Variants in KCNQ3 observed in about 807,000 individuals in gnomAD.
The protein encoded by KCNQ3 is potassium voltage-gated channel subfamily KQT member 3.
A neutral mutation model predicts 92.5 loss-of-function variants in KCNQ3; 30 were observed. The ratio of observed to expected loss-of-function variants is 0.32; its 90% CI spans 0.24 to 0.44. KCNQ3 has a LOEUF of 0.44. Among genes scored for constraint, KCNQ3 ranks in the 20% least tolerant of loss-of-function variants. The pLI is 1.00. For synonymous variants in KCNQ3, 450 were observed against 468.8 expected (o/e 0.96, Z 0.52); for missense variants, 913 against 1,140.3 (o/e 0.80, Z 2.87).
chr8:132,356,017 G>A (rs150363581), intron 1 of KCNQ3, among the ~76,000 whole-genome samples: 28 of 152,308 alleles, frequency 1.8e-4, no homozygotes, highest in African/African-American at 6.3e-4. Flanking sequence ...GTGTGGATGC[G>A]GTTCATGAAG....
intron 1 of KCNQ3, among the ~76,000 whole-genome samples, chr8:132,361,441 T>C (rs868612860): frequency 1.3e-5 from 2 of 152,208 alleles, no homozygotes; most frequent in Admixed American, 6.5e-5. Context: ...AATAGAATAT[T>C]TTTTATCATC....
intron 1 of KCNQ3, among the ~76,000 whole-genome samples, chr8:132,263,349 G>A (rs1815855025): frequency 6.6e-6 from 1 of 152,164 alleles, no homozygotes; most frequent in Non-Finnish European, 1.5e-5. Flanking sequence ...CCATCTCTGG[G>A]CCTGGGGCCC....
chr8:132,252,783 G>A lies in KCNQ3; in HGVS notation c.387-66602C>T, dbSNP rs139012409. Among the ~76,000 whole-genome samples the A allele has an allele frequency of 2.0e-3, 305 of 152,204 alleles. 1 individual carries two copies. The highest frequency in any genetic ancestry group is 4.4e-3 in the African/African-American group (184 of 41,526). On this transcript the variant is annotated intron_variant, in intron 1 of 14. Coordinates refer to ENST00000388996, the MANE Select transcript of KCNQ3 (RefSeq NM_004519.4). ...CTAGACACAGAGCGCTGATTGGTGC[G>A]TTTACAATCCTTTAGCTAGACAGAA...
intron 1 of KCNQ3, among the ~76,000 whole-genome samples, chr8:132,195,798 G>A (rs1827283215): frequency 6.6e-6 from 1 of 152,128 alleles, no homozygotes; most frequent in Non-Finnish European, 1.5e-5. Flanking sequence ...ATACAAATAG[G>A]TTGACAGTGA....
intron 1 of KCNQ3, among the ~76,000 whole-genome samples, chr8:132,408,302 T>C (rs1820550684): frequency 6.6e-6 from 1 of 152,096 alleles, no homozygotes; most frequent in Admixed American, 6.6e-5. Context: ...AGTACTGCTG[T>C]GGAGAGTTTG....
chr8:132,338,057 T>C (rs748920853), intron 1 of KCNQ3, among the ~76,000 whole-genome samples: 2 of 152,218 alleles, frequency 1.3e-5, no homozygotes, highest in Non-Finnish European at 2.9e-5. Flanking sequence ...GGTCGAAGGT[T>C]TGGAGAAACA....
Position 132,218,606 on chromosome 8 carries a change from G to A in KCNQ3, c.387-32425C>T, listed in dbSNP as rs567318018. Among the ~76,000 whole-genome samples, 7 of 152,270 alleles carry A rather than the reference G, an allele frequency of 4.6e-5. 1 individual carries two copies. The highest frequency in any genetic ancestry group is 1.7e-4 in the African/African-American group (7 of 41,554). On this transcript the variant is annotated intron_variant, in intron 1 of 14. Transcript: ENST00000388996. ...GTTTTATTATCCCCATTTTACAGGTGAGAAAAACTAGAAGTAGGCAGTCCA... is the reference window on the plus strand; with the variant it reads ...GTTTTATTATCCCCATTTTACAGGTAAGAAAAACTAGAAGTAGGCAGTCCA...
intron 1 of KCNQ3, among the ~76,000 whole-genome samples, chr8:132,434,642 T>G (rs1026358044): frequency 1.3e-5 from 2 of 152,208 alleles, no homozygotes; most frequent in African/African-American, 4.8e-5. Flanking sequence ...CTCAAAAGTT[T>G]TAAGCAAAAT....
intron 1 of KCNQ3, among the ~76,000 whole-genome samples, chr8:132,436,056 C>T (rs987027381): frequency 1.3e-4 from 20 of 152,190 alleles, no homozygotes; most frequent in Admixed American, 8.5e-4. Context: ...ATTTCCTTGC[C>T]TTCATTCCAG....
chr8:132,168,977 C>A (rs528526222), intron 8 of KCNQ3, among the ~76,000 whole-genome samples: 1 of 152,014 alleles, frequency 6.6e-6, no homozygotes, highest in Non-Finnish European at 1.5e-5. Flanking sequence ...ACTACCCATA[C>A]GCTTAACAAT....
intron 1 of KCNQ3, among the ~76,000 whole-genome samples, chr8:132,373,094 C>T (rs1337485753): frequency 6.6e-6 from 1 of 152,288 alleles, no homozygotes; most frequent in African/African-American, 2.4e-5. Context: ...TCTCCCTGCG[C>T]TTTCCCAGCC....
chr8:132,302,129 C>T lies in KCNQ3; in HGVS notation c.387-115948G>A, dbSNP rs78823985. On this transcript the variant is annotated intron_variant, in intron 1 of 14. Transcript: ENST00000388996. ...CATGTGCAAATATACCAAGTGGGGA[C>T]GAGGATGGGCTAGTCCACAAGTGGC... Among the ~76,000 whole-genome samples the T allele has an allele frequency of 2.1e-3, 319 of 152,122 alleles. 3 individuals carry two copies. In the East Asian group the frequency reaches 0.055, roughly 26 times the overall value.
At chr8:132,233,577 T>G (rs1276069454) in intron 1 of KCNQ3, among the ~76,000 whole-genome samples, 1 of 152,182 alleles carries the variant, frequency 6.6e-6, no homozygotes, top group Non-Finnish European at 1.5e-5. Context: ...TCTAAAAGCA[T>G]CAATGGAAGT....
intron 1 of KCNQ3, among the ~76,000 whole-genome samples, chr8:132,452,200 C>G (rs1239959895): frequency 1.3e-5 from 2 of 152,192 alleles, no homozygotes; most frequent in African/African-American, 4.8e-5. Context: ...CAAACATTTT[C>G]ATCCCCCCAA....
intron 1 of KCNQ3, among the ~76,000 whole-genome samples, chr8:132,186,908 G>A (rs900031472): frequency 6.3e-5 from 6 of 95,934 alleles, no homozygotes; most frequent in Admixed American, 2.9e-4. Flanking sequence ...TGTGAGGTGC[G>A]TGTGTGTGTG....
At position 132,338,160 on chromosome 8, in the gene KCNQ3, T is replaced by C. The variant is rs927356034; in HGVS notation, c.386+141987A>G. On this transcript the variant is annotated intron_variant, in intron 1 of 14. Transcript: ENST00000388996. ...CTGGGAAGCACTTTGTAGATATCCA[T>C]TTTAATTCTCACAATGGCCCTGTGA... 5.9e-5 allele frequency among the ~76,000 whole-genome samples: 9 copies of C among 152,218 alleles called. No individual in the cohort carries two copies. In the East Asian group the frequency reaches 1.5e-3, roughly 26 times the overall value.
At chr8:132,468,754 G>A (rs1484912828) in intron 1 of KCNQ3, among the ~76,000 whole-genome samples, 1 of 152,238 alleles carries the variant, frequency 6.6e-6, no homozygotes, top group Non-Finnish European at 1.5e-5. Flanking sequence ...GCATGGAGAG[G>A]AGAGGAGGTT....
At chr8:132,227,835 G>A (rs1389167439) in intron 1 of KCNQ3, among the ~76,000 whole-genome samples, 3 of 152,152 alleles carry the variant, frequency 2.0e-5, no homozygotes, top group Non-Finnish European at 4.4e-5. Flanking sequence ...ACGATCAATG[G>A]GAAGAGGTAG....
At chr8:132,474,594 A>T (rs1314347888) in intron 1 of KCNQ3, among the ~76,000 whole-genome samples, 2 of 152,218 alleles carry the variant, frequency 1.3e-5, no homozygotes, top group Non-Finnish European at 2.9e-5. Context: ...CTGGGATAGT[A>T]GTAAAGCTAT....
Sources: allele counts gnomAD v4.1 joint callset (sites outside exome capture counted in the v4.1 genomes callset), GRCh38; gene constraint gnomAD v4.1.1; transcripts MANE v1.5; gene names NCBI Gene and HGNC (gene_info 2026-07-23, HGNC 2026-07-21).